VPS13C: variants seen among roughly 807,000 people sequenced by gnomAD.
VPS13C encodes the protein vacuolar protein sorting 13 homolog C.
In VPS13C, 358 loss-of-function variants were observed where a neutral mutation model predicts 456.8. That is an observed-to-expected ratio of 0.78 (90% confidence interval 0.72 to 0.86). VPS13C has a LOEUF of 0.86. Among genes scored for constraint, VPS13C ranks in the 40% least tolerant of loss-of-function variants. VPS13C has a pLI of 0.00. For synonymous variants in VPS13C, 1,578 were observed against 1,486.7 expected, an observed-to-expected ratio of 1.06 and a Z score of -1.41; for missense variants, 4,818 against 4,385.4, an observed-to-expected ratio of 1.10 and a Z score of -2.79.
chr15:61,873,738 C>T (rs997301838), intron 77 of VPS13C, among the ~76,000 whole-genome samples: 17 of 152,014 alleles, frequency 1.1e-4, no homozygotes, highest in African/African-American at 3.6e-4. Context: ...TAACTTAATA[C>T]AGCTATTATG....
chr15:61,996,990 C>CATATATATATATATATATATATAT (rs1416476981), intron 16 of VPS13C, among the ~76,000 whole-genome samples: 1 of 139,924 alleles, frequency 7.1e-6, no homozygotes, highest in East Asian at 2.2e-4. Context: ...ATATATTTTA[C>CATATATATATATATATATATATAT]ATACATACAT....
At chr15:62,011,392 A>C (rs1012884193) in intron 12 of VPS13C, among the ~76,000 whole-genome samples, 1 of 152,088 alleles carries the variant, frequency 6.6e-6, no homozygotes, top group Non-Finnish European at 1.5e-5. Context: ...GCAGCACTTG[A>C]AAGTTTTATC....
At position 61,870,648 on chromosome 15, in the gene VPS13C, G is replaced by A. The variant is rs116473323; in HGVS notation, c.10625-1025C>T. Among the ~76,000 whole-genome samples, 498 of 152,258 alleles carry A rather than the reference G, an allele frequency of 3.3e-3. 3 individuals carry two copies. The highest frequency in any genetic ancestry group is 0.011 in the African/African-American group (476 of 41,538). On this transcript the variant is annotated intron_variant, in intron 79 of 84. Coordinates refer to ENST00000644861, the MANE Select transcript of VPS13C (RefSeq NM_020821.3). Reference sequence around the variant, plus strand: ...TCAAATCTTCTGGGTATAAACCTAGGAGTAGAATTGCTGGGACACATGGTG... The same window carrying A: ...TCAAATCTTCTGGGTATAAACCTAGAAGTAGAATTGCTGGGACACATGGTG...
chr15:61,930,560 C>A (rs977489738), intron 50 of VPS13C, among the ~76,000 whole-genome samples: 2 of 152,118 alleles, frequency 1.3e-5, no homozygotes, highest in Non-Finnish European at 2.9e-5. Context: ...AAAATAAAAA[C>A]ATAATTAGGC....
In VPS13C at chr15:61,925,442, TGGTAAGTACTA is replaced by T; in HGVS notation, c.6609+3_6609+13del. 6.9e-7 allele frequency: 1 copy of T among 1,439,096 alleles called. No homozygotes were observed. Among genetic ancestry groups the T allele is most frequent in the East Asian group, 2.4e-5 (1 of 41,140 alleles). The allele number at this position is 1,439,096 out of a possible 1,614,324, so 89.1% of individuals were successfully genotyped here. A position where few individuals can be genotyped will look rare whatever the true frequency, so the allele number is the denominator to read the frequency against. On this transcript the variant is annotated splice_donor_5th_base_variant and intron_variant, in intron 53 of 84. Transcript: ENST00000644861. ...AATAAGAATTTTCACTCAAAGAATA[TGGTAAGTACTA>T]ACCTTAATTATAAATTCTTTAACCA...
intron 61 of VPS13C, 58 bp downstream of exon 61, chr15:61,915,575 C>T: frequency 2.7e-6 from 4 of 1,490,026 alleles, no homozygotes; most frequent in Non-Finnish European, 3.6e-6. Context: ...CAAATGACTC[C>T]CAAGTTTCTA....
Position 61,973,460 on chromosome 15 carries a change from C to A in VPS13C, c.2611G>T (p.Glu871Ter). 1 of 1,610,252 alleles carries A rather than the reference C, an allele frequency of 6.2e-7. No individual in the cohort carries two copies. Among genetic ancestry groups the A allele is most frequent in the South Asian group, 1.1e-5 (1 of 90,902 alleles). The change falls in exon 26 of 85, where the codon GAA (glutamate) becomes TAA (stop). Residue 871 changes from glutamate to a stop codon, truncating the protein, a stop_gained. Coordinates refer to ENST00000644861, the MANE Select transcript of VPS13C (RefSeq NM_020821.3). LOFTEE classifies it high-confidence loss of function. The part of the protein sequence containing the change: ...LGTSLLLDTV[E>*]SESDDEYFDA... ...AGTATTTTACTTTCCTTACCTGATT[C>A]CACAGTGTCTAGCAATAGTGAAGTA...
chr15:61,920,490 A>G lies in VPS13C; in HGVS notation c.7212+8T>C. On this transcript the variant is annotated splice_region_variant and intron_variant, in intron 56 of 84. Transcript: ENST00000644861. ...ACTTGAAATATTCTAAGCAAGATTC[A>G]GACATACTTTTGCTAAATTGTTGAA... 2 of 1,519,764 alleles carry G rather than the reference A, an allele frequency of 1.3e-6. No individual in the cohort carries two copies. Among genetic ancestry groups the G allele is most frequent in the Non-Finnish European group, 1.8e-6 (2 of 1,134,558 alleles). The allele number at this position is 1,519,764 out of a possible 1,614,324, so 94.1% of individuals were successfully genotyped here.
chr15:61,992,757 T>A (rs1237117008), intron 16 of VPS13C, among the ~76,000 whole-genome samples: 2 of 152,128 alleles, frequency 1.3e-5, no homozygotes, highest in Non-Finnish European at 2.9e-5. Flanking sequence ...TATTCAATCC[T>A]TGCTGCACAA....
intron 40 of VPS13C, 75 bp downstream of exon 40, chr15:61,950,870 G>T (rs929885807): frequency 3.8e-5 from 37 of 961,688 alleles, no homozygotes; most frequent in Admixed American, 1.6e-4. Flanking sequence ...GAGAGAAAAT[G>T]AGAATATTAA....
At chr15:61,977,953 A>G (rs2045755957) in intron 23 of VPS13C, among the ~76,000 whole-genome samples, 1 of 152,072 alleles carries the variant, frequency 6.6e-6, no homozygotes, top group African/African-American at 2.4e-5. Context: ...CTCTGCACAT[A>G]GAGACTATAA....
intron 37 of VPS13C, among the ~76,000 whole-genome samples, chr15:61,956,473 T>C (rs2045002263): frequency 6.6e-6 from 1 of 151,822 alleles, no homozygotes; most frequent in Non-Finnish European, 1.5e-5. Context: ...CCCCTGAATC[T>C]AAAATAAAAA....
At chr15:61,868,450 A>T (rs1338523746) in intron 81 of VPS13C, among the ~76,000 whole-genome samples, 1 of 152,014 alleles carries the variant, frequency 6.6e-6, no homozygotes, top group Non-Finnish European at 1.5e-5. Context: ...CACACAAAAA[A>T]AAGCTTTGCT....
At chr15:61,896,265 G>C (rs2042808368) in intron 66 of VPS13C, among the ~76,000 whole-genome samples, 1 of 152,186 alleles carries the variant, frequency 6.6e-6, no homozygotes, top group Non-Finnish European at 1.5e-5. Flanking sequence ...GGCCGAATAG[G>C]AACAGCTCCG....
chr15:61,854,771 T>G, intron 84 of VPS13C, 100 bp downstream of exon 84: 1 of 1,168,666 alleles, frequency 8.6e-7, no homozygotes, highest in Non-Finnish European at 1.2e-6. Context: ...ATAGTTATAT[T>G]TGGGAGAGCT....
Position 61,961,999 on chromosome 15 carries a change from T to C in VPS13C, c.3604-106A>G, listed in dbSNP as rs1037134848. 9 of 1,241,046 alleles carry C rather than the reference T, an allele frequency of 7.3e-6. No individual in the cohort carries two copies. In the African/African-American group the frequency reaches 1.1e-4, roughly 15 times the overall value. 76.9% of individuals were successfully genotyped at this position (1,241,046 alleles called of 1,614,324 possible). On this transcript the variant is annotated intron_variant, in intron 34 of 84. Coordinates refer to ENST00000644861, the MANE Select transcript of VPS13C (RefSeq NM_020821.3). ...GTGGTAACTTTTTTTTTCCAATATT[T>C]AACTTTCCATTGAGCCCTATTTTTC...
At chr15:61,919,118 G>A (rs1806492019) in intron 58 of VPS13C, among the ~76,000 whole-genome samples, 171 bp downstream of exon 58, 1 of 151,948 alleles carries the variant, frequency 6.6e-6, no homozygotes, top group African/African-American at 2.4e-5. Flanking sequence ...AGAGCAAGCT[G>A]GACAGTAAAT....
At chr15:61,967,880 G>A (rs563656675) in intron 28 of VPS13C, among the ~76,000 whole-genome samples, 2 of 151,960 alleles carry the variant, frequency 1.3e-5, no homozygotes, top group African/African-American at 2.4e-5. Context: ...TATATCCTGA[G>A]GTAGATGTAC....
chr15:61,985,927 A>T (rs2046037026), intron 18 of VPS13C, among the ~76,000 whole-genome samples: 1 of 152,052 alleles, frequency 6.6e-6, no homozygotes, highest in Non-Finnish European at 1.5e-5. Context: ...CAAAGGGTAA[A>T]AGCACTGCTA....
Sources: gnomAD v4.1 joint callset for allele counts (sites outside exome capture counted in the v4.1 genomes callset) on GRCh38, gnomAD v4.1.1 for gene constraint, MANE v1.5 for transcripts, NCBI Gene and HGNC (gene_info 2026-07-23, HGNC 2026-07-21) for gene names.